GRIN2A: variants seen among roughly 807,000 people sequenced by gnomAD.
GRIN2A encodes the protein glutamate receptor ionotropic, NMDA 2A.
Under a neutral mutation model 113.4 loss-of-function variants are expected in GRIN2A, and 22 were observed. The observed-to-expected ratio is 0.19, with a 90% CI of 0.14 to 0.28. The LOEUF is 0.28. Among genes scored for constraint, GRIN2A ranks in the 10% least tolerant of loss-of-function variants. The pLI is 1.00. For synonymous variants in GRIN2A, 827 were observed against 738.4 expected, an observed-to-expected ratio of 1.12 and a Z score of -1.94; for missense variants, 1,502 against 1,887.0, an observed-to-expected ratio of 0.80 and a Z score of 3.78.
chr16:10,048,294 G>A (rs1426349329), intron 2 of GRIN2A, among the ~76,000 whole-genome samples: 1 of 152,164 alleles, frequency 6.6e-6, no homozygotes, highest in African/African-American at 2.4e-5. Context: ...CCCTATGTAA[G>A]CAATTATTCC....
At chr16:10,118,887 A>C (rs2048777941) in intron 2 of GRIN2A, among the ~76,000 whole-genome samples, 1 of 152,222 alleles carries the variant, frequency 6.6e-6, no homozygotes, top group Non-Finnish European at 1.5e-5. Flanking sequence ...ATGGAAGATC[A>C]GCATAAACAA....
rs1044041839 is a variant in GRIN2A, at chr16:10,126,167, A to AT, written c.414+53830dup. Among the ~76,000 whole-genome samples, 38 of 100,200 alleles carry AT rather than the reference A, an allele frequency of 3.8e-4. No individual in the cohort carries two copies. The South Asian group carries it at 3.9e-3, about 10-fold the overall frequency. The allele number at this position is 100,200 out of a possible 152,430, so 65.7% of individuals were successfully genotyped here. Reference sequence around the variant, plus strand: ...AGTTGATGGATTTCTTTATATATATATATATTTTTTTTTGAGATAGGATCT... The same window carrying AT: ...AGTTGATGGATTTCTTTATATATATATTATATTTTTTTTTGAGATAGGATCT... On this transcript the variant is annotated intron_variant, in intron 2 of 12. Coordinates refer to ENST00000330684, the MANE Select transcript of GRIN2A (RefSeq NM_001134407.3).
chr16:9,961,989 C>T (rs1334499170), intron 2 of GRIN2A, among the ~76,000 whole-genome samples: 1 of 152,078 alleles, frequency 6.6e-6, no homozygotes, highest in African/African-American at 2.4e-5. Flanking sequence ...TTTGACAAAC[C>T]TGACAAAAAG....
chr16:10,043,984 C>A (rs1322525560), intron 2 of GRIN2A, among the ~76,000 whole-genome samples: 1 of 136,602 alleles, frequency 7.3e-6, no homozygotes, highest in Non-Finnish European at 1.6e-5. Flanking sequence ...TATATATATA[C>A]ACATACGTGT....
At chr16:10,161,368 T>C (rs2049805889) in intron 2 of GRIN2A, among the ~76,000 whole-genome samples, 3 of 152,204 alleles carry the variant, frequency 2.0e-5, no homozygotes, top group Admixed American at 2.0e-4. Context: ...TTACCCAGTC[T>C]TGGGTACGTC....
rs919810868 is a variant in GRIN2A at position 9,942,675 on chromosome 16, C to T, written c.415-4124G>A. 2.6e-5 allele frequency among the ~76,000 whole-genome samples: 4 copies of T among 152,276 alleles called. No homozygotes were observed. The South Asian group carries it at 6.2e-4, about 24-fold the overall frequency. On this transcript the variant is annotated intron_variant, in intron 2 of 12. Coordinates refer to ENST00000330684, the MANE Select transcript of GRIN2A (RefSeq NM_001134407.3). The stretch of plus-strand genomic sequence containing the variant: ...CTGACATGCTGGTTTCAAATCCCCA[C>T]CACCCCATGCAAACCAGCTCATTCA...
chr16:9,852,798 C>A (rs78486024), intron 4 of GRIN2A, among the ~76,000 whole-genome samples: 1,559 of 152,298 alleles, frequency 0.01, 18 homozygotes, highest in African/African-American at 0.035. Flanking sequence ...TTCCTATTTA[C>A]AAGGGACTAT....
At chr16:9,902,855 A>G (rs2043955358) in intron 3 of GRIN2A, among the ~76,000 whole-genome samples, 1 of 150,034 alleles carries the variant, frequency 6.7e-6, no homozygotes, top group South Asian at 2.1e-4. Flanking sequence ...TTCAGTCTAA[A>G]CCCAGTATTT....
intron 2 of GRIN2A, among the ~76,000 whole-genome samples, chr16:9,953,456 T>C (rs979301573): frequency 2.0e-5 from 3 of 152,054 alleles, no homozygotes; most frequent in Non-Finnish European, 2.9e-5. Flanking sequence ...GAAATGCATA[T>C]GGAATTCAGG....
chr16:10,007,328 C>A (rs549437671), intron 2 of GRIN2A, among the ~76,000 whole-genome samples: 1 of 152,312 alleles, frequency 6.6e-6, no homozygotes, highest in Non-Finnish European at 1.5e-5. Flanking sequence ...GTCATTTTAG[C>A]TGGAGTGAGA....
At chr16:10,122,022 C>T (rs377386996) in intron 2 of GRIN2A, among the ~76,000 whole-genome samples, 66 of 152,286 alleles carry the variant, frequency 4.3e-4, no homozygotes, top group African/African-American at 1.5e-3. Context: ...AAAGGCTTCA[C>T]GTCAGATGAA....
intron 2 of GRIN2A, chr16:10,111,770 T>C: frequency 3.4e-6 from 5 of 1,487,872 alleles, no homozygotes; most frequent in Non-Finnish European, 4.7e-6. Flanking sequence ...GTGGGTGATG[T>C]GCTGGAGGCC....
intron 3 of GRIN2A, among the ~76,000 whole-genome samples, chr16:9,925,911 G>C (rs1330327413): frequency 2.6e-5 from 4 of 152,142 alleles, no homozygotes; most frequent in African/African-American, 9.7e-5. Flanking sequence ...CTAAGAAAAA[G>C]AAAGCAGATT....
Position 9,763,291 on chromosome 16 carries a change from C to T in GRIN2A, c.4253G>A (p.Gly1418Asp), listed in dbSNP as rs1900673626. ...TASYCSRDSR[G>D]HNDVYISEHV... ...CTCCGAAATATACACATCATTGTGG[C>T]CCCGACTGTCCCTGGAACAGTACGA... Residue 1418 changes from glycine to aspartate, a missense_variant, in exon 13 of 13, where the codon GGC (glycine) becomes GAC (aspartate). Physicochemically the swap from Gly to Asp is moderately conservative, Grantham distance 94. Transcript: ENST00000330684. The T allele has an allele frequency of 6.2e-7, 1 of 1,614,068 alleles. No individual in the cohort carries two copies. Among genetic ancestry groups the T allele is most frequent in the Non-Finnish European group, 8.5e-7 (1 of 1,180,010 alleles).
chr16:10,018,400 A>G (rs1183557640), intron 2 of GRIN2A, among the ~76,000 whole-genome samples: 3 of 152,116 alleles, frequency 2.0e-5, no homozygotes, highest in African/African-American at 4.8e-5. Context: ...GGAGGCAGCA[A>G]TACCACTGCA....
intron 2 of GRIN2A, among the ~76,000 whole-genome samples, chr16:9,953,854 G>C (rs1241353028): frequency 1.3e-5 from 2 of 152,186 alleles, no homozygotes; most frequent in Non-Finnish European, 1.5e-5. Context: ...GGAGTAGGTA[G>C]AAGCACAACC....
At chr16:9,790,125 C>T (rs990517611) in intron 11 of GRIN2A, among the ~76,000 whole-genome samples, 3 of 152,154 alleles carry the variant, frequency 2.0e-5, no homozygotes, top group Non-Finnish European at 4.4e-5. Flanking sequence ...CAGCAAGGCT[C>T]ATTCTACTGG....
Position 9,755,528 on chromosome 16 carries a change from A to G in GRIN2A, c.*7621T>C, listed in dbSNP as rs1276781651. On this transcript the variant is annotated 3_prime_UTR_variant, in exon 13 of 13. Coordinates refer to ENST00000330684, the MANE Select transcript of GRIN2A (RefSeq NM_001134407.3). ...TGCATTAAGTTAGCTAACTCTCCAG[A>G]GAATTCATGGAGACTCCCAGAAAGA... 2.2e-5 allele frequency: 4 copies of G among 183,048 alleles called. No homozygotes were observed. Among genetic ancestry groups the G allele is most frequent in the Non-Finnish European group, 4.6e-5 (4 of 86,028 alleles). 11.3% of individuals were successfully genotyped at this position (183,048 alleles called of 1,614,324 possible).
intron 2 of GRIN2A, among the ~76,000 whole-genome samples, chr16:9,948,850 A>G (rs1428565070): frequency 6.6e-6 from 1 of 152,222 alleles, no homozygotes; most frequent in African/African-American, 2.4e-5. Context: ...AAATGACCCC[A>G]GGGTATGCAT....
Sources: gnomAD v4.1 joint callset for allele counts (sites outside exome capture counted in the v4.1 genomes callset) on GRCh38, gnomAD v4.1.1 for gene constraint, MANE v1.5 for transcripts, NCBI Gene and HGNC (gene_info 2026-07-23, HGNC 2026-07-21) for gene names.